GRID2: variants seen among roughly 807,000 people sequenced by gnomAD.
The protein encoded by GRID2 is glutamate receptor ionotropic, delta-2.
A neutral mutation model predicts 114.8 loss-of-function variants in GRID2; 33 were observed. The observed-to-expected ratio is 0.29, with a 90% CI of 0.22 to 0.38. GRID2 has a LOEUF of 0.38. Among genes scored for constraint, GRID2 ranks in the 10% least tolerant of loss-of-function variants. The pLI is 1.00. For missense variants in GRID2, 1,184 were observed against 1,257.7 expected, an observed-to-expected ratio of 0.94 and a Z score of 0.89; for synonymous variants, 505 against 449.9, an observed-to-expected ratio of 1.12 and a Z score of -1.55.
intron 13 of GRID2, among the ~76,000 whole-genome samples, chr4:93,548,808 CAGAT>C (rs1364634127): frequency 3.9e-5 from 6 of 152,242 alleles, no homozygotes; most frequent in Non-Finnish European, 7.4e-5. Context: ...TTCCTTTAGA[CAGAT>C]GGAGTAGAAC....
intron 2 of GRID2, among the ~76,000 whole-genome samples, chr4:92,861,592 T>C (rs12647267): frequency 0.016 from 2,386 of 152,132 alleles, 35 homozygotes; most frequent in East Asian, 0.078. Context: ...TTAAATTTTG[T>C]CTTCCTTTTT....
At chr4:93,273,388 A>G (rs1751705238) in intron 8 of GRID2, among the ~76,000 whole-genome samples, 1 of 152,268 alleles carries the variant, frequency 6.6e-6, no homozygotes, top group Admixed American at 6.5e-5. Flanking sequence ...TATTTAATTG[A>G]GGAAGAAAGA....
intron 2 of GRID2, among the ~76,000 whole-genome samples, chr4:92,776,676 C>T (rs924040930): frequency 2.6e-5 from 4 of 152,022 alleles, no homozygotes; most frequent in South Asian, 2.1e-4. Flanking sequence ...GAAATGTTGC[C>T]TCATTCCTCT....
At chr4:92,855,783 A>T (rs1374997229) in intron 2 of GRID2, among the ~76,000 whole-genome samples, 1 of 152,018 alleles carries the variant, frequency 6.6e-6, no homozygotes, top group Admixed American at 6.6e-5. Context: ...TCTGGAGGTG[A>T]ATTTCCTGAC....
intron 13 of GRID2, among the ~76,000 whole-genome samples, chr4:93,530,866 T>C (rs1731369795): frequency 6.6e-6 from 1 of 152,186 alleles, no homozygotes; most frequent in Non-Finnish European, 1.5e-5. Flanking sequence ...TGTCTAAGCC[T>C]GATTCCTCAT....
chr4:92,346,368 TG>T (rs1425376802), intron 1 of GRID2, among the ~76,000 whole-genome samples: 1 of 152,178 alleles, frequency 6.6e-6, no homozygotes, highest in Non-Finnish European at 1.5e-5. Context: ...GAACTTTTTT[TG>T]TTTTGTTTTG....
At chr4:93,234,026 C>T (rs147612826) in intron 7 of GRID2, among the ~76,000 whole-genome samples, 1 of 151,978 alleles carries the variant, frequency 6.6e-6, no homozygotes, top group Non-Finnish European at 1.5e-5. Flanking sequence ...GTTTAAAGCA[C>T]TATGTATCAT....
At chr4:92,317,897 C>G (rs1428998194) in intron 1 of GRID2, among the ~76,000 whole-genome samples, 1 of 152,040 alleles carries the variant, frequency 6.6e-6, no homozygotes, top group Non-Finnish European at 1.5e-5. Flanking sequence ...GTGATTGGCT[C>G]AGTTGCTTGC....
chr4:92,908,963 A>G (rs1340889525), intron 2 of GRID2, among the ~76,000 whole-genome samples: 2 of 152,198 alleles, frequency 1.3e-5, no homozygotes, highest in Non-Finnish European at 2.9e-5. Context: ...GATATGAGAA[A>G]TAAATTTGCT....
At chr4:93,671,005 G>A (rs1329358997) in intron 14 of GRID2, among the ~76,000 whole-genome samples, 2 of 152,132 alleles carry the variant, frequency 1.3e-5, no homozygotes, top group African/African-American at 2.4e-5. Flanking sequence ...AATAAGACAG[G>A]AATAGTTAGT....
intron 13 of GRID2, among the ~76,000 whole-genome samples, chr4:93,591,708 G>T (rs150584849): frequency 6.6e-6 from 1 of 151,710 alleles, no homozygotes; most frequent in Non-Finnish European, 1.5e-5. Context: ...GGTTGGTAAG[G>T]TATTGATTAT....
chr4:92,833,146 T>G (rs1339994247), intron 2 of GRID2, among the ~76,000 whole-genome samples: 1 of 152,184 alleles, frequency 6.6e-6, no homozygotes, highest in African/African-American at 2.4e-5. Context: ...AGGATAACTT[T>G]CCATAGCTCT....
intron 2 of GRID2, among the ~76,000 whole-genome samples, chr4:92,867,467 C>A (rs529385034): frequency 3.9e-5 from 6 of 152,044 alleles, no homozygotes; most frequent in African/African-American, 1.4e-4. Context: ...TCCACACATA[C>A]AAAACTAAGA....
intron 1 of GRID2, among the ~76,000 whole-genome samples, chr4:92,455,106 A>G (rs914724450): frequency 6.6e-6 from 1 of 152,204 alleles, no homozygotes; most frequent in African/African-American, 2.4e-5. Flanking sequence ...CATTAAAACT[A>G]CTTTAAAATA....
chr4:92,896,781 C>A (rs1264204342), intron 2 of GRID2, among the ~76,000 whole-genome samples: 1 of 152,068 alleles, frequency 6.6e-6, no homozygotes, highest in African/African-American at 2.4e-5. Flanking sequence ...CTCGCTCTGT[C>A]GCCCAGGCTG....
intron 2 of GRID2, among the ~76,000 whole-genome samples, chr4:92,935,115 G>A (rs1475264651): frequency 2.7e-5 from 4 of 146,234 alleles, no homozygotes; most frequent in African/African-American, 4.9e-5. Flanking sequence ...TACAAAATGG[G>A]AGAAAATTTT....
intron 13 of GRID2, among the ~76,000 whole-genome samples, chr4:93,533,179 C>G (rs1731626008): frequency 6.6e-6 from 1 of 151,756 alleles, no homozygotes; most frequent in Middle Eastern, 3.2e-3. Context: ...CTTAGATTGA[C>G]TCTTGTCTTT....
At chr4:92,373,741 A>G (rs1729225319) in intron 1 of GRID2, among the ~76,000 whole-genome samples, 1 of 152,072 alleles carries the variant, frequency 6.6e-6, no homozygotes, top group African/African-American at 2.4e-5. Flanking sequence ...TATTTATCAA[A>G]CTTTTACTTA....
intron 2 of GRID2, among the ~76,000 whole-genome samples, chr4:92,753,592 A>G (rs982937681): frequency 1.2e-4 from 19 of 152,320 alleles, no homozygotes; most frequent in South Asian, 4.1e-4. Flanking sequence ...TTAGAAAACA[A>G]TTCTCAGTCT....
Sources: gnomAD v4.1 joint callset for allele counts (sites outside exome capture counted in the v4.1 genomes callset) on GRCh38, gnomAD v4.1.1 for gene constraint, MANE v1.5 for transcripts, NCBI Gene and HGNC (gene_info 2026-07-23, HGNC 2026-07-21) for gene names.